Variants in KIF6 observed in about 807,000 individuals in gnomAD.
KIF6 encodes kinesin family member 6.
KIF6 carries 106 observed loss-of-function variants against 112.7 expected under a neutral mutation model. The ratio of observed to expected loss-of-function variants is 0.94; its 90% confidence interval spans 0.80 to 1.11. The LOEUF (loss-of-function observed/expected upper bound fraction) is 1.11, where lower values mean the gene tolerates loss of function less well. Ranked by LOEUF, KIF6 falls within the 50% of genes least tolerant of loss-of-function variation. KIF6 has a pLI of 0.00. For missense variants in KIF6, 929 were observed against 964.0 expected, an observed-to-expected ratio of 0.96 and a Z score of 0.48; for synonymous variants, 339 against 339.9, an observed-to-expected ratio of 1.00 and a Z score of 0.03.
intron 16 of KIF6, among the ~76,000 whole-genome samples, chr6:39,376,841 G>C (rs1766476551): frequency 6.6e-6 from 1 of 152,182 alleles, no homozygotes; most frequent in East Asian, 1.9e-4. Context: ...ATTAAAAGCT[G>C]CAGAACTCTT....
At position 39,706,174 on chromosome 6, in the gene KIF6, C is replaced by T. The variant is rs114156495; in HGVS notation, c.251+8518G>A. Among the ~76,000 whole-genome samples, 1,318 of 151,960 alleles carry T rather than the reference C, an allele frequency of 8.7e-3. 20 individuals carry two copies. The highest frequency in any genetic ancestry group is 0.03 in the African/African-American group (1,254 of 41,450). On this transcript the variant is annotated intron_variant, in intron 3 of 22. Transcript: ENST00000287152. ...CAAATAGCTTCATGCAACTCTTATG[C>T]TTTTTTTTCTGTAGGTATTTTATCA...
chr6:39,639,844 T>A, intron 3 of KIF6, 87 bp from the exon 4 acceptor site: 1 of 1,135,256 alleles, frequency 8.8e-7, no homozygotes, highest in Non-Finnish European at 1.2e-6. Context: ...ACAATCTTAT[T>A]AAACACTATT....
At chr6:39,548,591 C>A (rs1779190430) in intron 10 of KIF6, among the ~76,000 whole-genome samples, 2 of 152,322 alleles carry the variant, frequency 1.3e-5, no homozygotes, top group South Asian at 4.1e-4. Flanking sequence ...CAGGCAAGGA[C>A]TTGGTCTAAT....
At chr6:39,523,647 TATATATATA>T (rs1380081561) in intron 13 of KIF6, among the ~76,000 whole-genome samples, 26 of 1,186 alleles carry the variant, frequency 0.022, no homozygotes, top group Non-Finnish European at 0.036. Flanking sequence ...AATTCTGCCA[TATATATATA>T]TATATATATA....
chr6:39,640,724 A>G (rs1561888878), intron 3 of KIF6, among the ~76,000 whole-genome samples: 1 of 152,116 alleles, frequency 6.6e-6, no homozygotes, highest in Non-Finnish European at 1.5e-5. Flanking sequence ...ATCTGTCATT[A>G]TAAGGGTCTC....
chr6:39,350,382 G>A (rs575713002), intron 19 of KIF6, among the ~76,000 whole-genome samples: 20 of 152,222 alleles, frequency 1.3e-4, no homozygotes, highest in Admixed American at 6.5e-4. Flanking sequence ...GCACGACTCC[G>A]ACAGGCCTGG....
At chr6:39,489,704 G>A (rs1193194983) in intron 13 of KIF6, among the ~76,000 whole-genome samples, 2 of 152,058 alleles carry the variant, frequency 1.3e-5, no homozygotes, top group Admixed American at 6.6e-5. Context: ...ATGTGACAAG[G>A]GGTAGGAGGA....
chr6:39,629,713 T>C (rs1784265341), intron 5 of KIF6, among the ~76,000 whole-genome samples: 1 of 152,118 alleles, frequency 6.6e-6, no homozygotes, highest in African/African-American at 2.4e-5. Context: ...TATAAATTTT[T>C]ATTTCACTGG....
intron 7 of KIF6, among the ~76,000 whole-genome samples, chr6:39,594,482 G>GA (rs935064240): frequency 3.3e-5 from 5 of 152,180 alleles, no homozygotes; most frequent in Non-Finnish European, 5.9e-5. Flanking sequence ...ATTTGAGCAG[G>GA]AAAGAGCTTA....
intron 10 of KIF6, among the ~76,000 whole-genome samples, chr6:39,568,530 T>C (rs574568496): frequency 1.3e-5 from 2 of 152,148 alleles, no homozygotes; most frequent in African/African-American, 4.8e-5. Context: ...TTTCTTGAGA[T>C]TTTTCATTTT....
chr6:39,373,289 C>T (rs772789018), intron 16 of KIF6, among the ~76,000 whole-genome samples: 7 of 152,274 alleles, frequency 4.6e-5, no homozygotes, highest in South Asian at 4.1e-4. Context: ...GATGTGATTG[C>T]GTTTTTTTGC....
intron 10 of KIF6, among the ~76,000 whole-genome samples, chr6:39,549,506 TA>T (rs1779254440): frequency 6.6e-6 from 1 of 152,152 alleles, no homozygotes; most frequent in African/African-American, 2.4e-5. Context: ...AGCACACAGG[TA>T]AAATCCAAGT....
chr6:39,713,232 T>C (rs1354024808), intron 3 of KIF6, among the ~76,000 whole-genome samples: 1 of 152,138 alleles, frequency 6.6e-6, no homozygotes, highest in Non-Finnish European at 1.5e-5. Context: ...GTGTGACAAG[T>C]GAACAAAGTA....
intron 3 of KIF6, among the ~76,000 whole-genome samples, chr6:39,694,974 C>T (rs1258153284): frequency 6.6e-6 from 1 of 152,048 alleles, no homozygotes; most frequent in Non-Finnish European, 1.5e-5. Flanking sequence ...AACAGACACA[C>T]AGGCCAATGG....
intron 13 of KIF6, among the ~76,000 whole-genome samples, chr6:39,496,576 C>T (rs754852201): frequency 1.3e-5 from 2 of 152,156 alleles, no homozygotes; most frequent in East Asian, 3.9e-4. Context: ...ACTACCCCCC[C>T]AACTCCATCT....
At chr6:39,510,397 T>C (rs1776701950) in intron 13 of KIF6, among the ~76,000 whole-genome samples, 1 of 152,178 alleles carries the variant, frequency 6.6e-6, no homozygotes, top group Non-Finnish European at 1.5e-5. Context: ...CGGCTCAACA[T>C]TCTTAAAGCA....
chr6:39,592,053 A>G (rs1437539552), intron 7 of KIF6, among the ~76,000 whole-genome samples: 1 of 152,196 alleles, frequency 6.6e-6, no homozygotes. Flanking sequence ...TGGAGGTTGC[A>G]GTGAGCTGAG....
At chr6:39,432,427 A>C (rs867342022) in intron 13 of KIF6, among the ~76,000 whole-genome samples, 4 of 152,272 alleles carry the variant, frequency 2.6e-5, no homozygotes, top group Middle Eastern at 3.4e-3. Flanking sequence ...TCTTGCCTGG[A>C]AAAAACTCTC....
At chr6:39,679,050 C>T (rs149465402) in intron 3 of KIF6, among the ~76,000 whole-genome samples, 247 of 152,268 alleles carry the variant, frequency 1.6e-3, no homozygotes, top group African/African-American at 5.5e-3. Context: ...ACAAAGCACA[C>T]GTTGAAATAA....
Sources: gnomAD v4.1 joint callset for allele counts (sites outside exome capture counted in the v4.1 genomes callset) on GRCh38, gnomAD v4.1.1 for gene constraint, MANE v1.5 for transcripts, NCBI Gene and HGNC (gene_info 2026-07-23, HGNC 2026-07-21) for gene names.